LPCAT3: variants seen among roughly 807,000 people sequenced by gnomAD.
LPCAT3 encodes lysophospholipid acyltransferase 5.
In LPCAT3, 21 loss-of-function variants were observed where a neutral mutation model predicts 63.4. The observed-to-expected ratio is 0.33, with a 90% CI of 0.23 to 0.48. LPCAT3 has a LOEUF of 0.48. Among genes scored for constraint, LPCAT3 ranks in the 20% least tolerant of loss-of-function variants. The pLI is 0.99. For synonymous variants in LPCAT3, 242 were observed against 227.5 expected (o/e 1.06, Z -0.58); for missense variants, 451 against 590.6 (o/e 0.76, Z 2.45).
chr12:6,984,411 CT>C (rs1270026889), intron 1 of LPCAT3, among the ~76,000 whole-genome samples: 2 of 152,190 alleles, frequency 1.3e-5, no homozygotes, highest in African/African-American at 4.8e-5. Context: ...GCAGACTCAC[CT>C]TCAGTGTTCT....
intron 3 of LPCAT3, among the ~76,000 whole-genome samples, chr12:6,982,405 G>A (rs1565598495): frequency 6.6e-6 from 1 of 152,144 alleles, no homozygotes; most frequent in Non-Finnish European, 1.5e-5. Context: ...CTCTGCTCCT[G>A]GATAGTGGGT....
chr12:6,982,858 T>C (rs1946485017), intron 2 of LPCAT3, 76 bp from the exon 3 acceptor site: 1 of 913,874 alleles, frequency 1.1e-6, no homozygotes, highest in Non-Finnish European at 1.7e-6. Flanking sequence ...CAACGTAATA[T>C]ATAAAGAAAA....
chr12:7,013,662 A>C (rs1555157380), intron 1 of LPCAT3, among the ~76,000 whole-genome samples: 1 of 152,170 alleles, frequency 6.6e-6, no homozygotes. Flanking sequence ...CTACCTTTCA[A>C]AAGGTTCCGG....
intron 1 of LPCAT3, chr12:6,988,313 CG>C (rs1946548791): frequency 6.6e-6 from 1 of 152,326 alleles, no homozygotes; most frequent in Admixed American, 6.5e-5. Context: ...AAGACGGTGA[CG>C]GAGAACAGCA....
intron 1 of LPCAT3, among the ~76,000 whole-genome samples, chr12:7,002,541 T>G (rs1287232768): frequency 2.0e-5 from 3 of 152,210 alleles, no homozygotes; most frequent in African/African-American, 7.2e-5. Context: ...GTGGTGAGAC[T>G]TCTTCTCAGG....
intron 1 of LPCAT3, among the ~76,000 whole-genome samples, chr12:6,988,990 G>T (rs954740803): frequency 3.3e-5 from 5 of 151,998 alleles, no homozygotes; most frequent in Admixed American, 1.3e-4. Flanking sequence ...GCTGGGCGTG[G>T]TAGTGCATGC....
intron 1 of LPCAT3, among the ~76,000 whole-genome samples, chr12:7,010,433 T>C (rs1438754346): frequency 1.3e-5 from 2 of 152,236 alleles, no homozygotes; most frequent in Non-Finnish European, 2.9e-5. Context: ...ATTGACTGAC[T>C]GAGACAAGGC....
intron 1 of LPCAT3, among the ~76,000 whole-genome samples, chr12:7,015,172 A>T (rs1946790016): frequency 6.6e-6 from 1 of 152,208 alleles, no homozygotes; most frequent in South Asian, 2.1e-4. Context: ...GAACTGAAGT[A>T]AAAAAAGTAA....
chr12:7,003,948 A>G (rs1843148633), intron 1 of LPCAT3, among the ~76,000 whole-genome samples: 6 of 151,712 alleles, frequency 4.0e-5, no homozygotes, highest in Admixed American at 3.3e-4. Flanking sequence ...AAAAAAAAAA[A>G]AAGAATTACC....
chr12:7,002,266 G>A (rs1424121537), intron 1 of LPCAT3, among the ~76,000 whole-genome samples: 1 of 152,062 alleles, frequency 6.6e-6, no homozygotes, highest in Non-Finnish European at 1.5e-5. Context: ...TATGCTTATG[G>A]GATTGTACAC....
Position 6,999,580 on chromosome 12 carries a change from C to T in LPCAT3, c.152-16041G>A, listed in dbSNP as rs782188671. Among the ~76,000 whole-genome samples, 78 of 152,252 alleles carry T rather than the reference C, an allele frequency of 5.1e-4. No homozygotes were observed. In the Middle Eastern group the frequency reaches 0.024, roughly 46 times the overall value. ...TGCTAGTGATTAATGTTATACACAC[C>T]CGTTGGCTGACTGGTGAAACCTGCT... On this transcript the variant is annotated intron_variant, in intron 1 of 12. Transcript: ENST00000261407.
intron 1 of LPCAT3, among the ~76,000 whole-genome samples, chr12:6,994,995 C>G (rs1218086400): frequency 6.6e-6 from 1 of 152,140 alleles, no homozygotes; most frequent in African/African-American, 2.4e-5. Flanking sequence ...ATCTTTAGTT[C>G]TAACTTCTTT....
At chr12:6,981,496 G>C in intron 5 of LPCAT3, 99 bp downstream of exon 5, 1 of 1,180,576 alleles carries the variant, frequency 8.5e-7, no homozygotes, top group Non-Finnish European at 1.3e-6. Context: ...GAATGAGGGA[G>C]AGGCTCCGCT....
At chr12:6,981,301 T>C in intron 5 of LPCAT3, 119 bp from the exon 6 acceptor site, 1 of 821,796 alleles carries the variant, frequency 1.2e-6, no homozygotes, top group Non-Finnish European at 1.9e-6. Context: ...GCCTTCTCTT[T>C]GGGGGATGAC....
intron 1 of LPCAT3, among the ~76,000 whole-genome samples, chr12:7,014,112 A>T (rs782326981): frequency 6.6e-6 from 1 of 152,338 alleles, no homozygotes; most frequent in East Asian, 1.9e-4. Context: ...TTTAAATGAA[A>T]TGTCCCATCT....
At chr12:7,010,264 C>T (rs1946752861) in intron 1 of LPCAT3, among the ~76,000 whole-genome samples, 2 of 152,166 alleles carry the variant, frequency 1.3e-5, no homozygotes, top group Admixed American at 1.3e-4. Flanking sequence ...GATTCAGGGA[C>T]AGACAGGGTC....
chr12:7,012,160 T>G (rs1946767865), intron 1 of LPCAT3, among the ~76,000 whole-genome samples: 1 of 152,198 alleles, frequency 6.6e-6, no homozygotes, highest in Admixed American at 6.5e-5. Flanking sequence ...TGGCCAAGAC[T>G]AGGGAACACT....
chr12:6,986,067 G>A (rs1028374192), intron 1 of LPCAT3, among the ~76,000 whole-genome samples: 15 of 151,822 alleles, frequency 9.9e-5, no homozygotes, highest in East Asian at 1.9e-4. Flanking sequence ...GAGCCACCAC[G>A]CCCGGCCAAC....
chr12:7,004,043 A>G, intron 1 of LPCAT3, among the ~76,000 whole-genome samples: 1 of 151,488 alleles, frequency 6.6e-6, no homozygotes, highest in African/African-American at 2.4e-5. Flanking sequence ...AGTGCTATAC[A>G]GAAAGTATGA....
Sources: gnomAD v4.1 joint callset for allele counts (sites outside exome capture counted in the v4.1 genomes callset) on GRCh38, gnomAD v4.1.1 for gene constraint, MANE v1.5 for transcripts, NCBI Gene and HGNC (gene_info 2026-07-23, HGNC 2026-07-21) for gene names.